VWDE: variants seen among roughly 807,000 people sequenced by gnomAD.
VWDE encodes the protein von Willebrand factor D and EGF domains, also known as von Willebrand factor D and EGF domain-containing protein.
VWDE carries 207 observed loss-of-function variants against 178.4 expected under a neutral mutation model. The observed-to-expected ratio is 1.16, with a 90% CI of 1.04 to 1.30. VWDE has a LOEUF of 1.30. VWDE is among the 50% of genes most tolerant of loss of function. The pLI, the probability that VWDE is intolerant of heterozygous loss-of-function variation, is 0.00. For missense variants in VWDE, 2,287 were observed against 1,901.3 expected (o/e 1.20, Z -3.77); for synonymous variants, 738 against 651.4 (o/e 1.13, Z -2.02).
At chr7:12,390,387 C>G (rs1260053799) in intron 2 of VWDE, among the ~76,000 whole-genome samples, 1 of 151,896 alleles carries the variant, frequency 6.6e-6, no homozygotes, top group Non-Finnish European at 1.5e-5. Flanking sequence ...GTACCCACCT[C>G]AAAGTGCCAT....
chr7:12,392,955 A>T (rs865868), intron 2 of VWDE, among the ~76,000 whole-genome samples: 75,503 of 151,894 alleles, frequency 0.5, 19,493 homozygotes, highest in African/African-American at 0.64. Context: ...AAATTTGGGG[A>T]TTGAGGAGAG....
intron 17 of VWDE, among the ~76,000 whole-genome samples, chr7:12,357,032 TAAAAC>T (rs1429332686): frequency 6.6e-6 from 1 of 152,148 alleles, no homozygotes; most frequent in Non-Finnish European, 1.5e-5. Context: ...AAGTGCCAAA[TAAAAC>T]AGTATAGAAA....
At chr7:12,350,727 C>G (rs953008445) in intron 19 of VWDE, among the ~76,000 whole-genome samples, 4 of 152,062 alleles carry the variant, frequency 2.6e-5, no homozygotes, top group Non-Finnish European at 5.9e-5. Flanking sequence ...ATTACTTAAG[C>G]CTTCTATGTT....
chr7:12,347,292 C>A (rs1032634397), intron 19 of VWDE, among the ~76,000 whole-genome samples: 16 of 152,022 alleles, frequency 1.1e-4, no homozygotes, highest in African/African-American at 3.9e-4. Context: ...CAGAGAAGAA[C>A]TGAAACTCCA....
chr7:12,342,788 C>T (rs182669191), intron 22 of VWDE, among the ~76,000 whole-genome samples: 2,329 of 151,684 alleles, frequency 0.015, 55 homozygotes, highest in African/African-American at 0.054. Context: ...CCCATCAACT[C>T]GTCATTTAGC....
At position 12,351,534 on chromosome 7, in the gene VWDE, A is replaced by G. The variant is rs1432955069; in HGVS notation, c.3886+39T>C. ...GTCTTCTAGAAAACAAGTAAGAGGA[A>G]TTACTTGTCATTAGATTTTAACTAT... On this transcript the variant is annotated intron_variant, in intron 19 of 28. Coordinates refer to ENST00000275358, the MANE Select transcript of VWDE (RefSeq NM_001135924.3). The G allele has an allele frequency of 1.5e-5, 23 of 1,509,964 alleles. 1 individual carries two copies. The highest frequency in any genetic ancestry group is 9.2e-5 in the South Asian group (7 of 75,878). 93.5% of individuals were successfully genotyped at this position (1,509,964 alleles called of 1,614,324 possible).
At chr7:12,388,881 T>A (rs1403508205) in intron 3 of VWDE, 1 of 663,920 alleles carries the variant, frequency 1.5e-6, no homozygotes, top group Middle Eastern at 2.5e-4. Flanking sequence ...TCAATCATTA[T>A]GTCCAGTGGA....
At chr7:12,369,199 T>G (rs1783017832) in intron 12 of VWDE, among the ~76,000 whole-genome samples, 1 of 152,124 alleles carries the variant, frequency 6.6e-6, no homozygotes, top group Non-Finnish European at 1.5e-5. Flanking sequence ...AGGGCCCAGT[T>G]GTGTGTAAAG....
chr7:12,378,190 G>C (rs191102032), intron 6 of VWDE, among the ~76,000 whole-genome samples: 62 of 152,278 alleles, frequency 4.1e-4, no homozygotes, highest in African/African-American at 1.4e-3. Flanking sequence ...CTGCCTCAAT[G>C]ATTCTGGTTC....
Position 12,374,993 on chromosome 7 carries a change from TG to T in VWDE, c.1242+16del, listed in dbSNP as rs772575625. 1.9e-6 allele frequency: 3 copies of T among 1,540,764 alleles called. No homozygotes were observed. In the East Asian group the frequency reaches 7.3e-5, roughly 38 times the overall value. Reference sequence around the variant, plus strand: ...CTTAAAGCTTCACTTGCAGTATTAGTGTTGTAATTTGTCAACCTGGATGCTG... The same window carrying T: ...CTTAAAGCTTCACTTGCAGTATTAGTTTGTAATTTGTCAACCTGGATGCTG... On this transcript the variant is annotated intron_variant, in intron 8 of 28. Transcript: ENST00000275358.
chr7:12,343,051 A>G (rs1781412467), intron 22 of VWDE, 32 bp downstream of exon 22: 1 of 1,494,486 alleles, frequency 6.7e-7, no homozygotes, highest in African/African-American at 1.4e-5. Flanking sequence ...AAGCAGTTTC[A>G]TTATATCAGA....
rs1475500120 is a variant in VWDE, at chr7:12,356,161, T to C, written c.3695A>G (p.Tyr1232Cys). The change falls in exon 18 of 29, where the codon TAT (tyrosine) becomes TGT (cysteine). Residue 1232 changes from tyrosine (Y) to cysteine (C), a missense_variant. By Grantham distance (194) the Tyr-to-Cys change is radical. Coordinates refer to ENST00000275358, the MANE Select transcript of VWDE (RefSeq NM_001135924.3). The part of the protein sequence containing the change: ...CQSNPCGLGS[Y>C]ISGFHSYSCD... The stretch of plus-strand genomic sequence containing the variant: ...GGAATAACTGTGAAAACCACTAATA[T>C]AGCTGCCAAGACCACAAGGGTTGGA... The C allele has an allele frequency of 4.5e-6, 7 of 1,551,466 alleles. No individual in the cohort carries two copies. The African/African-American group carries it at 5.5e-5, about 12-fold the overall frequency.
At chr7:12,351,432 G>T in intron 19 of VWDE, 141 bp downstream of exon 19, 2 of 863,014 alleles carry the variant, frequency 2.3e-6, no homozygotes, top group Non-Finnish European at 1.7e-6. Context: ...CAAGAGAAAG[G>T]ATAAATTTTA....
At chr7:12,366,994 T>C (rs1782893866) in intron 13 of VWDE, among the ~76,000 whole-genome samples, 1 of 152,062 alleles carries the variant, frequency 6.6e-6, no homozygotes, top group South Asian at 2.1e-4. Context: ...TTTTGATTTG[T>C]AAAAGGGAAA....
At position 12,357,367 on chromosome 7, in the gene VWDE, G is replaced by C; in HGVS notation, c.3423C>G (p.Ser1141=). The C allele has an allele frequency of 1.3e-6, 2 of 1,551,970 alleles. No individual in the cohort carries two copies. The highest frequency in any genetic ancestry group is 1.7e-6 in the Non-Finnish European group (2 of 1,147,062). The change falls in exon 17 of 29, where the codon TCC becomes TCG. Residue 1141 remains serine (S), a synonymous_variant. Coordinates refer to ENST00000275358, the MANE Select transcript of VWDE (RefSeq NM_001135924.3). The stretch of plus-strand genomic sequence containing the variant: ...TTTTCCACATAAAAAGCCCTGCAGA[G>C]GAAACACTTGCCCCTTCAGGACCAG... The part of the protein sequence containing the change: ...LDSGPEGASV[S]SAGLFMWKTD...
In VWDE at chr7:12,344,255, A is replaced by G. The variant is rs1781483145; in HGVS notation, c.4018T>C (p.Cys1340Arg). 2 of 1,551,206 alleles carry G rather than the reference A, an allele frequency of 1.3e-6. No homozygotes were observed. Among genetic ancestry groups the G allele is most frequent in the Middle Eastern group, 1.7e-4 (1 of 5,988 alleles). Residue 1340 changes from cysteine to arginine, a missense_variant, in exon 21 of 29, where the codon TGT becomes CGT. By Grantham distance (180) the Cys-to-Arg change is radical. Coordinates refer to ENST00000275358, the MANE Select transcript of VWDE (RefSeq NM_001135924.3). ...CDPDCKNHGK[C>R]IKPNICQCLP... The stretch of plus-strand genomic sequence containing the variant: ...CACTGACAAATGTTAGGCTTAATAC[A>G]TTTTCCATGGTTTTTGCAATCAGGG...
chr7:12,381,507 T>C (rs536165013), intron 4 of VWDE, among the ~76,000 whole-genome samples: 1 of 152,210 alleles, frequency 6.6e-6, no homozygotes, highest in East Asian at 1.9e-4. Context: ...AAAATAATCT[T>C]TCAGCCTTGC....
intron 3 of VWDE, among the ~76,000 whole-genome samples, chr7:12,386,794 A>G (rs1238598236): frequency 6.6e-6 from 1 of 152,126 alleles, no homozygotes; most frequent in African/African-American, 2.4e-5. Context: ...TCATTCATCA[A>G]TTGCAATTTA....
chr7:12,370,586 A>G (rs1157559914), intron 11 of VWDE, 70 bp downstream of exon 11: 2 of 1,530,702 alleles, frequency 1.3e-6, no homozygotes, highest in East Asian at 4.9e-5. Flanking sequence ...GCAAAAAAGC[A>G]GAGTGTTGAG....
Sources: allele counts gnomAD v4.1 joint callset (sites outside exome capture counted in the v4.1 genomes callset), GRCh38; gene constraint gnomAD v4.1.1; transcripts MANE v1.5; gene names NCBI Gene and HGNC (gene_info 2026-07-23, HGNC 2026-07-21).